The following KCND2 variants were observed in gnomAD, a reference collection of about 807,000 sequenced individuals.
KCND2 encodes A-type voltage-gated potassium channel KCND2.
A neutral mutation model predicts 54.4 loss-of-function variants in KCND2; 16 were observed. The ratio of observed to expected loss-of-function variants is 0.29; its 90% CI spans 0.20 to 0.45. The LOEUF is 0.45. Ranked by LOEUF, KCND2 falls within the 20% of genes least tolerant of loss-of-function variation. The pLI is 1.00. For synonymous variants in KCND2, 317 were observed against 310.7 expected, an observed-to-expected ratio of 1.02 and a Z score of -0.21; for missense variants, 486 against 824.2, an observed-to-expected ratio of 0.59 and a Z score of 5.02.
intron 1 of KCND2, among the ~76,000 whole-genome samples, chr7:120,708,010 TA>T (rs1008377371): frequency 6.6e-6 from 1 of 151,728 alleles, no homozygotes; most frequent in African/African-American, 2.4e-5. Flanking sequence ...GTAAAAAAGG[TA>T]AAAAAGCTTC....
chr7:120,715,664 G>A (rs1398873582), intron 1 of KCND2, among the ~76,000 whole-genome samples: 2 of 152,080 alleles, frequency 1.3e-5, no homozygotes, highest in African/African-American at 2.4e-5. Flanking sequence ...CTACTGAACA[G>A]TACATCACAC....
chr7:120,634,446 C>T (rs1793279020), intron 1 of KCND2, among the ~76,000 whole-genome samples: 2 of 152,056 alleles, frequency 1.3e-5, no homozygotes, highest in Non-Finnish European at 2.9e-5. Flanking sequence ...CTACTCCATT[C>T]AACATGTTTC....
chr7:120,277,438 C>T (rs924712350), intron 1 of KCND2, among the ~76,000 whole-genome samples: 14 of 151,794 alleles, frequency 9.2e-5, no homozygotes, highest in African/African-American at 3.4e-4. Context: ...ATCATGACGT[C>T]AAATTAGAAG....
At chr7:120,719,911 T>C (rs1792646525) in intron 1 of KCND2, among the ~76,000 whole-genome samples, 1 of 152,152 alleles carries the variant, frequency 6.6e-6, no homozygotes, top group Non-Finnish European at 1.5e-5. Flanking sequence ...CAATACTTAG[T>C]CACCATGAGG....
intron 1 of KCND2, among the ~76,000 whole-genome samples, chr7:120,617,622 G>A (rs537173337): frequency 1.3e-5 from 2 of 152,210 alleles, no homozygotes; most frequent in South Asian, 2.1e-4. Flanking sequence ...ACTACCATTC[G>A]ATCCAGCAAT....
chr7:120,341,886 A>T (rs1047573802), intron 1 of KCND2, among the ~76,000 whole-genome samples: 1 of 152,126 alleles, frequency 6.6e-6, no homozygotes, highest in African/African-American at 2.4e-5. Context: ...GATCAATATA[A>T]TCTGCCGACC....
chr7:120,728,906 A>G (rs1792770643), intron 1 of KCND2, among the ~76,000 whole-genome samples: 1 of 152,220 alleles, frequency 6.6e-6, no homozygotes, highest in South Asian at 2.1e-4. Context: ...ACCAACAGGA[A>G]ACCAAGTTGC....
chr7:120,587,837 A>T (rs1482097089), intron 1 of KCND2, among the ~76,000 whole-genome samples: 1 of 152,156 alleles, frequency 6.6e-6, no homozygotes, highest in African/African-American at 2.4e-5. Flanking sequence ...GTTTCAAATG[A>T]TAGAAAAAAA....
chr7:120,710,562 C>G (rs1172999201), intron 1 of KCND2, among the ~76,000 whole-genome samples: 2 of 152,024 alleles, frequency 1.3e-5, no homozygotes, highest in Non-Finnish European at 2.9e-5. Flanking sequence ...CATTTTTTCC[C>G]CAGTTTCTCC....
chr7:120,536,781 A>G (rs993827471), intron 1 of KCND2, among the ~76,000 whole-genome samples: 2 of 152,170 alleles, frequency 1.3e-5, no homozygotes, highest in African/African-American at 2.4e-5. Context: ...TGATACATCT[A>G]TAGTTACTTT....
chr7:120,301,122 T>C (rs1054105884), intron 1 of KCND2, among the ~76,000 whole-genome samples: 2 of 152,114 alleles, frequency 1.3e-5, no homozygotes, highest in Non-Finnish European at 2.9e-5. Flanking sequence ...AAATAACAAA[T>C]AATAACTAAA....
intron 1 of KCND2, among the ~76,000 whole-genome samples, chr7:120,636,868 T>C (rs954825881): frequency 6.6e-6 from 1 of 152,188 alleles, no homozygotes; most frequent in African/African-American, 2.4e-5. Flanking sequence ...TCAACTGTTT[T>C]ACAGTATGCC....
intron 1 of KCND2, among the ~76,000 whole-genome samples, chr7:120,450,259 T>A (rs1053932711): frequency 6.6e-6 from 1 of 151,856 alleles, no homozygotes; most frequent in African/African-American, 2.4e-5. Context: ...AAAATACAAA[T>A]ATTAGCTGGG....
At chr7:120,647,417 A>G (rs1793455369) in intron 1 of KCND2, among the ~76,000 whole-genome samples, 1 of 152,172 alleles carries the variant, frequency 6.6e-6, no homozygotes, top group Admixed American at 6.5e-5. Context: ...TCATGTCATT[A>G]TCTTTATTTT....
chr7:120,366,043 G>A (rs1333395180), intron 1 of KCND2, among the ~76,000 whole-genome samples: 3 of 152,124 alleles, frequency 2.0e-5, no homozygotes, highest in Admixed American at 2.0e-4. Flanking sequence ...GTTAATTATA[G>A]TAGAGATGAT....
At chr7:120,721,429 G>T (rs1468967211) in intron 1 of KCND2, among the ~76,000 whole-genome samples, 1 of 152,132 alleles carries the variant, frequency 6.6e-6, no homozygotes, top group South Asian at 2.1e-4. Flanking sequence ...TTTAATTTTA[G>T]GAGATAACTT....
chr7:120,523,704 CTGTGTGTGTGTGTGTGTGTG>C (rs199762798), intron 1 of KCND2, among the ~76,000 whole-genome samples: 5 of 137,216 alleles, frequency 3.6e-5, no homozygotes, highest in Admixed American at 7.3e-5. Flanking sequence ...CACACACACT[CTGTGTGTGTGTGTGTGTGTG>C]TGTGTGTGTG....
At chr7:120,503,610 C>G (rs975299229) in intron 1 of KCND2, among the ~76,000 whole-genome samples, 1 of 151,854 alleles carries the variant, frequency 6.6e-6, no homozygotes, top group Non-Finnish European at 1.5e-5. Context: ...CCTTTGCCTT[C>G]GTTATTTATT....
chr7:120,373,780 T>C (rs969972198), intron 1 of KCND2, among the ~76,000 whole-genome samples: 21 of 151,800 alleles, frequency 1.4e-4, no homozygotes, highest in Non-Finnish European at 2.7e-4. Context: ...TGGAGGAGAG[T>C]ATTAAATTTG....
Sources: gnomAD v4.1 joint callset for allele counts (sites outside exome capture counted in the v4.1 genomes callset) on GRCh38, gnomAD v4.1.1 for gene constraint, MANE v1.5 for transcripts, NCBI Gene and HGNC (gene_info 2026-07-23, HGNC 2026-07-21) for gene names.